The following SUMF1 variants were observed in gnomAD, a reference collection of about 807,000 sequenced individuals.
The protein encoded by SUMF1 is formylglycine-generating enzyme.
In SUMF1, 48 loss-of-function variants were observed where a neutral mutation model predicts 47.6. The observed-to-expected ratio is 1.01, with a 90% CI of 0.80 to 1.28. The LOEUF is 1.28. Among genes scored for constraint, SUMF1 ranks in the 50% most tolerant of loss-of-function variants. The pLI is 0.00. For missense variants in SUMF1, 571 were observed against 485.4 expected (o/e 1.18, Z -1.66); for synonymous variants, 230 against 192.1 (o/e 1.20, Z -1.63).
intron 3 of SUMF1, among the ~76,000 whole-genome samples, chr3:4,434,523 A>C (rs1463135619): frequency 6.6e-6 from 1 of 152,232 alleles, no homozygotes; most frequent in Admixed American, 6.5e-5. Context: ...TCAAGCAAAG[A>C]GATAGTCCAC....
chr3:4,430,304 T>C (rs1702193435), intron 3 of SUMF1, among the ~76,000 whole-genome samples: 1 of 152,134 alleles, frequency 6.6e-6, no homozygotes, highest in Non-Finnish European at 1.5e-5. Flanking sequence ...TTATCAAGTG[T>C]ATGGTAAGTC....
At chr3:4,373,569 A>G (rs965040319) in intron 8 of SUMF1, among the ~76,000 whole-genome samples, 3 of 152,164 alleles carry the variant, frequency 2.0e-5, no homozygotes, top group African/African-American at 7.2e-5. Flanking sequence ...CTCTAAATTA[A>G]TTAATTAATA....
intron 8 of SUMF1, among the ~76,000 whole-genome samples, chr3:4,364,825 A>T (rs1699894282): frequency 2.0e-5 from 3 of 151,814 alleles, no homozygotes; most frequent in Middle Eastern, 3.4e-3. Flanking sequence ...TTAGGGTATC[A>T]ATTTTGGATC....
intron 8 of SUMF1, among the ~76,000 whole-genome samples, chr3:4,293,723 C>A (rs536561080): frequency 2.7e-4 from 41 of 152,276 alleles, no homozygotes; most frequent in Non-Finnish European, 5.6e-4. Context: ...ATCAAGGTTT[C>A]CTTTGAGGCA....
At chr3:4,105,852 G>T (rs570069936) in intron 8 of SUMF1, among the ~76,000 whole-genome samples, 1 of 151,912 alleles carries the variant, frequency 6.6e-6, no homozygotes, top group African/African-American at 2.4e-5. Context: ...CTGGTCCAAG[G>T]ACATTATTAT....
intron 8 of SUMF1, among the ~76,000 whole-genome samples, chr3:4,235,845 G>A (rs1370092699): frequency 6.6e-6 from 1 of 151,980 alleles, no homozygotes; most frequent in Non-Finnish European, 1.5e-5. Context: ...CTGAATCACT[G>A]CTTCCCTCCC....
intron 8 of SUMF1, among the ~76,000 whole-genome samples, chr3:4,222,932 T>C (rs776492939): frequency 2.0e-5 from 3 of 151,976 alleles, no homozygotes; most frequent in Non-Finnish European, 2.9e-5. Context: ...GGCAGAGTGG[T>C]TTCTTCCACT....
intron 8 of SUMF1, among the ~76,000 whole-genome samples, chr3:4,319,346 C>T (rs113322088): frequency 0.011 from 1,616 of 152,290 alleles, 17 homozygotes; most frequent in African/African-American, 0.035. Context: ...AAGTATTTCA[C>T]TGGGTGCTGC....
intron 8 of SUMF1, among the ~76,000 whole-genome samples, chr3:4,073,195 A>C (rs913429381): frequency 6.6e-6 from 1 of 152,212 alleles, no homozygotes; most frequent in African/African-American, 2.4e-5. Flanking sequence ...ATTCTTAAAG[A>C]AAAGAATTTT....
intron 8 of SUMF1, among the ~76,000 whole-genome samples, chr3:4,160,973 C>A (rs557285355): frequency 6.6e-6 from 1 of 152,184 alleles, no homozygotes; most frequent in African/African-American, 2.4e-5. Flanking sequence ...CTTGGGAAGG[C>A]TTTCCAGGTA....
chr3:4,282,958 T>C (rs1219937739), intron 8 of SUMF1, among the ~76,000 whole-genome samples: 1 of 152,210 alleles, frequency 6.6e-6, no homozygotes. Context: ...TCTGTAATCA[T>C]GTACTACACT....
intron 8 of SUMF1, among the ~76,000 whole-genome samples, chr3:4,216,999 C>A (rs1695939517): frequency 6.6e-6 from 1 of 152,280 alleles, no homozygotes; most frequent in African/African-American, 2.4e-5. Flanking sequence ...GTTGACCCAG[C>A]AATCCCATTA....
intron 8 of SUMF1, among the ~76,000 whole-genome samples, chr3:4,211,072 T>TTG (rs945524775): frequency 2.2e-5 from 3 of 137,436 alleles, no homozygotes; most frequent in African/African-American, 8.2e-5. Context: ...GACCGTGTGA[T>TTG]TGTGTGAGTT....
rs73022033 is a variant in SUMF1, at chr3:4,361,576, C to G, written c.*568G>C. On this transcript the variant is annotated 3_prime_UTR_variant, in exon 9 of 9. Coordinates refer to ENST00000272902, the MANE Select transcript of SUMF1 (RefSeq NM_182760.4). Reference sequence around the variant, plus strand: ...TACGAATATAAAGGAGTCACCACACCCCTCTTCCGAAAATAATACATAAGA... The same window carrying G: ...TACGAATATAAAGGAGTCACCACACGCCTCTTCCGAAAATAATACATAAGA... 208 of 159,166 alleles carry G rather than the reference C, an allele frequency of 1.3e-3. No homozygotes were observed. Among genetic ancestry groups the G allele is most frequent in the African/African-American group, 3.8e-3 (160 of 41,588 alleles). 9.9% of individuals were successfully genotyped at this position (159,166 alleles called of 1,614,324 possible).
intron 7 of SUMF1, among the ~76,000 whole-genome samples, chr3:4,396,124 G>T (rs1202793487): frequency 6.6e-6 from 1 of 152,178 alleles, no homozygotes; most frequent in Non-Finnish European, 1.5e-5. Context: ...TACAGCTAAA[G>T]AACTAAGGAA....
intron 8 of SUMF1, among the ~76,000 whole-genome samples, chr3:4,297,590 T>A (rs1178907739): frequency 7.9e-6 from 1 of 127,146 alleles, no homozygotes; most frequent in Non-Finnish European, 1.6e-5. Flanking sequence ...TTTTTTGAGA[T>A]GGAGTCTGGC....
At chr3:4,078,094 A>G (rs893056507) in intron 8 of SUMF1, among the ~76,000 whole-genome samples, 5 of 152,086 alleles carry the variant, frequency 3.3e-5, no homozygotes, top group African/African-American at 1.2e-4. Context: ...TCCTATGCTA[A>G]TAGCAGACAC....
chr3:4,214,494 G>T (rs1427797667), intron 8 of SUMF1, among the ~76,000 whole-genome samples: 1 of 152,054 alleles, frequency 6.6e-6, no homozygotes, highest in African/African-American at 2.4e-5. Context: ...GCAATGAAAA[G>T]AACTCGAGAA....
At chr3:4,359,614 C>T (rs1480959257), downstream of SUMF1, among the ~76,000 whole-genome samples, 1 of 151,322 alleles carries the variant, frequency 6.6e-6, no homozygotes, top group Non-Finnish European at 1.5e-5. Flanking sequence ...TGGTGGAAGG[C>T]ACCTCTTCAC....
Sources: allele counts gnomAD v4.1 joint callset (sites outside exome capture counted in the v4.1 genomes callset), GRCh38; gene constraint gnomAD v4.1.1; transcripts MANE v1.5; gene names NCBI Gene and HGNC (gene_info 2026-07-23, HGNC 2026-07-21).